The following DDX4 variants were observed in gnomAD, a reference collection of about 807,000 sequenced individuals.
DDX4 encodes the protein DEAD-box helicase 4, also known as probable ATP-dependent RNA helicase DDX4.
A neutral mutation model predicts 100.0 loss-of-function variants in DDX4; 25 were observed. The observed-to-expected ratio is 0.25, with a 90% CI of 0.18 to 0.35. The LOEUF (loss-of-function observed/expected upper bound fraction) is 0.35. Among genes scored for constraint, DDX4 ranks in the 10% least tolerant of loss-of-function variants. The probability of loss-of-function intolerance (pLI) is 1.00; values close to 1 mark genes in which losing one functional copy is unlikely to be tolerated. For synonymous variants in DDX4, 259 were observed against 275.7 expected (o/e 0.94, Z 0.60); for missense variants, 635 against 882.4 (o/e 0.72, Z 3.55).
intron 15 of DDX4, 66 bp downstream of exon 15, chr5:55,788,066 T>G: frequency 7.0e-7 from 1 of 1,435,308 alleles, no homozygotes; most frequent in Non-Finnish European, 9.4e-7. Flanking sequence ...CCCTCACTTT[T>G]GGAAGAACTC....
intron 7 of DDX4, among the ~76,000 whole-genome samples, chr5:55,770,404 C>CA (rs1741185398): frequency 6.6e-6 from 1 of 152,082 alleles, no homozygotes; most frequent in Non-Finnish European, 1.5e-5. Flanking sequence ...TCTGGTAATT[C>CA]AGCTTCTATT....
chr5:55,780,125 A>G (rs1741818718), intron 8 of DDX4, 60 bp downstream of exon 8: 1 of 1,581,782 alleles, frequency 6.3e-7, no homozygotes, highest in Non-Finnish European at 8.6e-7. Flanking sequence ...AATGATTTAA[A>G]AAAATACGTA....
At chr5:55,762,168 A>T (rs149820863) in intron 4 of DDX4, among the ~76,000 whole-genome samples, 24 of 152,338 alleles carry the variant, frequency 1.6e-4, no homozygotes, top group Admixed American at 1.6e-3. Flanking sequence ...AGGGTTTTAC[A>T]GAGGTAAGTA....
intron 18 of DDX4, among the ~76,000 whole-genome samples, chr5:55,811,202 T>C (rs1467235685): frequency 6.6e-6 from 1 of 152,090 alleles, no homozygotes; most frequent in African/African-American, 2.4e-5. Flanking sequence ...CTGAGTGACC[T>C]TTGCTAGAAT....
intron 17 of DDX4, 38 bp from the exon 18 acceptor site, chr5:55,798,388 A>G: frequency 6.2e-7 from 1 of 1,600,826 alleles, no homozygotes; most frequent in Non-Finnish European, 8.5e-7. Flanking sequence ...ACTGATGGAG[A>G]GGAGGATAAG....
intron 18 of DDX4, among the ~76,000 whole-genome samples, chr5:55,803,055 A>G (rs1283998249): frequency 6.8e-6 from 1 of 146,826 alleles, no homozygotes; most frequent in East Asian, 2.1e-4. Context: ...CCCATTAACT[A>G]GTCATTTACA....
Position 55,814,935 on chromosome 5 carries a change from G to A in DDX4, c.1750G>A (p.Gly584Arg), listed in dbSNP as rs764169596. Residue 584 changes from glycine to arginine, a missense_variant, in exon 20 of 22, where the codon GGA becomes AGA. By Grantham distance (125) the Gly-to-Arg change is moderately radical. Around this residue, in one of 4 missense-constraint regions of DDX4, gnomAD observed 115 missense variants for 224.7 expected, o/e 0.51. Coordinates refer to ENST00000505374, the MANE Select transcript of DDX4 (RefSeq NM_024415.3). Reference protein sequence around the residue: ...REQREREQALGDFRFGKCPVL... With the variant: ...REQREREQALRDFRFGKCPVL... ...ACAGAGAGAGCGGGAGCAAGCTCTT[G>A]GAGATTTTCGCTTTGGAAAGTGCCC... is the stretch of plus-strand genomic sequence containing the variant. 3 of 1,614,186 alleles carry A rather than the reference G, an allele frequency of 1.9e-6. No homozygotes were observed. The highest frequency in any genetic ancestry group is 1.3e-5 in the African/African-American group (1 of 75,058).
At chr5:55,788,258 T>G (rs1450257598) in intron 15 of DDX4, among the ~76,000 whole-genome samples, 1 of 152,132 alleles carries the variant, frequency 6.6e-6, no homozygotes, top group Non-Finnish European at 1.5e-5. Flanking sequence ...GCAGACTGCT[T>G]GAGGCCAGGA....
chr5:55,815,148 C>T lies in DDX4; in HGVS notation c.1963C>T (p.Pro655Ser). The T allele has an allele frequency of 6.2e-7, 1 of 1,614,078 alleles. No homozygotes were observed. The highest frequency in any genetic ancestry group is 1.1e-5 in the South Asian group (1 of 91,062). ...DLESDNHLAQ[P>S]LVKVLTDAQQ... ...TGAATCGGATAACCATTTAGCACAG[C>T]CTCTAGTAAAAGTATTGACAGATGT... Residue 655 changes from proline to serine, a missense_variant, in exon 20 of 22, where the codon CCT becomes TCT. Physicochemically the swap from Pro to Ser is moderately conservative, Grantham distance 74. Around this residue, in one of 4 missense-constraint regions of DDX4, gnomAD observed 73 missense variants for 98.5 expected, o/e 0.74. Transcript: ENST00000505374.
chr5:55,815,169 G>C lies in DDX4; in HGVS notation c.1984G>C (p.Asp662His), dbSNP rs1445779228. ...ACAGCCTCTAGTAAAAGTATTGACA[G>C]ATGTAAGTTAAACTTTTATGATGGA... ...LAQPLVKVLT[D>H]AQQDVPAWLE... The change falls in exon 20 of 22, where the codon GAT (aspartate) becomes CAT (histidine). Residue 662 changes from aspartate to histidine, a missense_variant and splice_region_variant. Asp to His is a moderately conservative substitution (Grantham distance 81, BLOSUM62 -1). Transcript: ENST00000505374. 1.2e-6 allele frequency: 2 copies of C among 1,612,704 alleles called. No homozygotes were observed. The highest frequency in any genetic ancestry group is 1.7e-6 in the Non-Finnish European group (2 of 1,179,382).
At chr5:55,791,210 T>C (rs959670440) in intron 16 of DDX4, among the ~76,000 whole-genome samples, 5 of 152,200 alleles carry the variant, frequency 3.3e-5, no homozygotes, top group African/African-American at 1.2e-4. Flanking sequence ...CATGTACTTA[T>C]TTAGGAATTC....
At chr5:55,816,031 C>T (rs1225285430) in intron 21 of DDX4, among the ~76,000 whole-genome samples, 1 of 151,318 alleles carries the variant, frequency 6.6e-6, no homozygotes, top group East Asian at 1.9e-4. Context: ...AGTGATCCAC[C>T]TGCTTCAACC....
chr5:55,767,927 T>C lies in DDX4; in HGVS notation c.381T>C (p.Phe127=). ...ATAATCCAACACGGAACAGAGGGTT[T>C]TCCAAGAGAGGCGGTAAGGACCACA... ...CEDNPTRNRG[F]SKRGGYRDGN... Residue 127 remains phenylalanine, a synonymous_variant, in exon 7 of 22, where the codon TTT becomes TTC. Coordinates refer to ENST00000505374, the MANE Select transcript of DDX4 (RefSeq NM_024415.3). The C allele has an allele frequency of 6.2e-7, 1 of 1,614,034 alleles. No individual in the cohort carries two copies. Among genetic ancestry groups the C allele is most frequent in the Non-Finnish European group, 8.5e-7 (1 of 1,179,934 alleles).
Position 55,785,186 on chromosome 5 carries a change from A to C in DDX4, c.626-111A>C, listed in dbSNP as rs1742168003. 4 of 725,600 alleles carry C rather than the reference A, an allele frequency of 5.5e-6. No individual in the cohort carries two copies. The Admixed American group carries it at 9.3e-5, about 17-fold the overall frequency. 44.9% of individuals were successfully genotyped at this position (725,600 alleles called of 1,614,324 possible). Reference sequence around the variant, plus strand: ...TTAATTGTTTCAAGTATTTGTAAGAAGGGAATTTAAAGTTTTTTGGAACTT... The same window carrying C: ...TTAATTGTTTCAAGTATTTGTAAGACGGGAATTTAAAGTTTTTTGGAACTT... On this transcript the variant is annotated intron_variant, in intron 10 of 21. Coordinates refer to ENST00000505374, the MANE Select transcript of DDX4 (RefSeq NM_024415.3).
intron 7 of DDX4, among the ~76,000 whole-genome samples, chr5:55,774,110 C>A (rs1329333636): frequency 6.6e-6 from 1 of 151,540 alleles, no homozygotes; most frequent in Admixed American, 6.6e-5. Context: ...TCATCAGCTA[C>A]CTGATTTGCA....
intron 7 of DDX4, among the ~76,000 whole-genome samples, chr5:55,778,011 ATTTG>A: frequency 6.6e-6 from 1 of 152,290 alleles, no homozygotes; most frequent in African/African-American, 2.4e-5. Flanking sequence ...TTGATTTAAT[ATTTG>A]TTTGGAATCA....
At chr5:55,739,064 C>T (rs373394825) in intron 2 of DDX4, 32 bp downstream of exon 2, 76 of 1,295,922 alleles carry the variant, frequency 5.9e-5, no homozygotes, top group Non-Finnish European at 8.0e-5. Context: ...TTATTAAATG[C>T]TACGGATTTT....
At chr5:55,812,174 G>A (rs1452290353) in intron 18 of DDX4, among the ~76,000 whole-genome samples, 4 of 152,086 alleles carry the variant, frequency 2.6e-5, no homozygotes, top group South Asian at 4.2e-4. Flanking sequence ...GAGATTTTAG[G>A]AATATTTACC....
intron 6 of DDX4, among the ~76,000 whole-genome samples, chr5:55,765,984 T>C (rs1454760048): frequency 2.0e-5 from 3 of 150,554 alleles, no homozygotes; most frequent in East Asian, 3.9e-4. Flanking sequence ...TTTTTTTTTT[T>C]TTTTTTGTAT....
Sources: allele counts gnomAD v4.1 joint callset (sites outside exome capture counted in the v4.1 genomes callset), GRCh38; gene constraint gnomAD v4.1.1; regional missense constraint gnomAD v4.1.1; transcripts MANE v1.5; gene names NCBI Gene and HGNC (gene_info 2026-07-23, HGNC 2026-07-21).